AGBL3: variants seen among roughly 807,000 people sequenced by gnomAD.
AGBL3 encodes the protein AGBL carboxypeptidase 3, also known as cytosolic carboxypeptidase 3.
A neutral mutation model predicts 94.5 loss-of-function variants in AGBL3; 68 were observed. That is an observed-to-expected ratio of 0.72 (90% confidence interval 0.59 to 0.88). The LOEUF is 0.88. AGBL3 is among the 40% of genes least tolerant of loss of function. The pLI is 0.00. For missense variants in AGBL3, 934 were observed against 1,103.8 expected, an observed-to-expected ratio of 0.85 and a Z score of 2.18; for synonymous variants, 354 against 370.7, an observed-to-expected ratio of 0.95 and a Z score of 0.52.
intron 8 of AGBL3, 89 bp from the exon 9 acceptor site, chr7:135,043,936 C>T: frequency 6.9e-7 from 1 of 1,443,104 alleles, no homozygotes; most frequent in Non-Finnish European, 9.2e-7. Flanking sequence ...ATAGACTTTG[C>T]ATAACCACTT....
intron 8 of AGBL3, 148 bp downstream of exon 8, chr7:135,037,728 T>A: frequency 1.7e-6 from 1 of 604,236 alleles, no homozygotes; most frequent in Non-Finnish European, 2.5e-6. Flanking sequence ...AGAAAGCAAC[T>A]ATATAGAACT....
intron 11 of AGBL3, among the ~76,000 whole-genome samples, chr7:135,055,697 C>T (rs183437228): frequency 1.2e-3 from 182 of 152,192 alleles, no homozygotes; most frequent in African/African-American, 4.3e-3. Flanking sequence ...CACCTGTGTT[C>T]ATAAGACATA....
In AGBL3 at chr7:135,087,735, T is replaced by C. The variant is rs577827351; in HGVS notation, c.2110+5945T>C. 4.0e-4 allele frequency among the ~76,000 whole-genome samples: 61 copies of C among 152,128 alleles called. 1 individual carries two copies. In the South Asian group the frequency reaches 0.012, roughly 30 times the overall value. On this transcript the variant is annotated intron_variant, in intron 15 of 16. Coordinates refer to ENST00000436302, the MANE Select transcript of AGBL3 (RefSeq NM_178563.4). Reference sequence around the variant, plus strand: ...TTAAATTTCTTGAAAATTATTTCGTTCCCTAACGTAAGTCTTAGAGGATAT... The same window carrying C: ...TTAAATTTCTTGAAAATTATTTCGTCCCCTAACGTAAGTCTTAGAGGATAT...
intron 15 of AGBL3, chr7:135,092,760 T>C (rs542213591): frequency 3.3e-5 from 5 of 151,914 alleles, no homozygotes; most frequent in Admixed American, 6.6e-5. Flanking sequence ...TCTATATCTA[T>C]TAAGAATTAG....
intron 15 of AGBL3, among the ~76,000 whole-genome samples, chr7:135,083,478 C>A (rs1413915500): frequency 2.0e-5 from 3 of 151,806 alleles, no homozygotes; most frequent in Non-Finnish European, 4.4e-5. Context: ...AAAAAACTTT[C>A]TCTCTCTCTC....
At chr7:135,017,928 T>C (rs1204766019) in intron 5 of AGBL3, among the ~76,000 whole-genome samples, 45 of 152,228 alleles carry the variant, frequency 3.0e-4, no homozygotes, top group Non-Finnish European at 1.5e-5. Context: ...AATATTTACA[T>C]GGTGAACCTG....
At chr7:135,006,636 A>G (rs959645109) in intron 4 of AGBL3, among the ~76,000 whole-genome samples, 1 of 151,960 alleles carries the variant, frequency 6.6e-6, no homozygotes, top group Non-Finnish European at 1.5e-5. Context: ...TATCTGCCAC[A>G]TAAGACAAAA....
intron 15 of AGBL3, among the ~76,000 whole-genome samples, chr7:135,094,982 T>C (rs1351293647): frequency 6.6e-6 from 1 of 152,164 alleles, no homozygotes; most frequent in Non-Finnish European, 1.5e-5. Context: ...AGGAACTTGG[T>C]TTTCATAGTT....
intron 4 of AGBL3, among the ~76,000 whole-genome samples, chr7:135,007,718 A>G (rs1000174164): frequency 5.3e-5 from 8 of 152,142 alleles, no homozygotes; most frequent in Non-Finnish European, 1.2e-4. Flanking sequence ...GAAGGAAGTA[A>G]AACTATACTT....
chr7:135,116,351 A>C (rs749340372), intron 16 of AGBL3, among the ~76,000 whole-genome samples: 22 of 152,144 alleles, frequency 1.4e-4, no homozygotes, highest in Non-Finnish European at 3.2e-4. Context: ...ATTTCTCTTT[A>C]TAAGTGAAAA....
intron 8 of AGBL3, among the ~76,000 whole-genome samples, chr7:135,043,078 C>A (rs142943983): frequency 1.3e-5 from 2 of 152,088 alleles, no homozygotes; most frequent in East Asian, 1.9e-4. Flanking sequence ...TATTTTTGAA[C>A]ATCTCCAACA....
chr7:134,992,998 G>A (rs56189618), intron 3 of AGBL3, among the ~76,000 whole-genome samples: 2,097 of 152,312 alleles, frequency 0.014, 31 homozygotes, highest in Non-Finnish European at 0.02. Flanking sequence ...TGCACAGCCT[G>A]CTTGGCGTGG....
intron 12 of AGBL3, among the ~76,000 whole-genome samples, chr7:135,074,810 A>G (rs1820295277): frequency 6.6e-6 from 1 of 152,190 alleles, no homozygotes; most frequent in Non-Finnish European, 1.5e-5. Context: ...AATAACAGTA[A>G]AAAGAACAAG....
rs1360207899 is a variant in AGBL3 at position 135,034,206 on chromosome 7, C to T, written c.615C>T (p.Thr205=). ...CTGACCTCTTCACAAATAAACACAC[C>T]CAGTGGTACTATTTCCAAGTCACTA... ...VRPDLFTNKH[T]QWYYFQVTNM... is the part of the protein sequence containing the mutation. The change falls in exon 7 of 17, where the codon ACC becomes ACT. Residue 205 remains threonine, a synonymous_variant. Transcript: ENST00000436302. 6.4e-7 allele frequency: 1 copy of T among 1,551,522 alleles called. No individual in the cohort carries two copies. The highest frequency in any genetic ancestry group is 2.0e-5 in the Admixed American group (1 of 50,976).
chr7:135,057,871 A>G (rs1168033847), intron 11 of AGBL3, among the ~76,000 whole-genome samples: 1 of 152,208 alleles, frequency 6.6e-6, no homozygotes, highest in Non-Finnish European at 1.5e-5. Flanking sequence ...TAAGTCTGAA[A>G]AGGCCACATA....
chr7:135,113,621 A>G (rs1007729874), intron 15 of AGBL3, among the ~76,000 whole-genome samples: 1 of 152,194 alleles, frequency 6.6e-6, no homozygotes, highest in African/African-American at 2.4e-5. Context: ...TTCAGGCTTT[A>G]CTCAGGGTTC....
rs190989856 is a variant in AGBL3, at chr7:135,022,421, T to C, written c.418+5262T>C. On this transcript the variant is annotated intron_variant, in intron 5 of 16. Transcript: ENST00000436302. ...TTTGTATTTCTCTAATGACCAGTGA[T>C]GATGAGCTTTTCTTCATATGTTTGT... 6.8e-4 allele frequency among the ~76,000 whole-genome samples: 104 copies of C among 152,350 alleles called. 3 individuals are homozygous for C. Among genetic ancestry groups the C allele is most frequent in the Admixed American group, 6.7e-3 (103 of 15,306 alleles).
intron 15 of AGBL3, among the ~76,000 whole-genome samples, chr7:135,084,689 G>A (rs1330071909): frequency 2.0e-5 from 3 of 151,924 alleles, no homozygotes; most frequent in Non-Finnish European, 2.9e-5. Context: ...CTTTTTTATG[G>A]TTAAATACTA....
chr7:135,029,153 T>C (rs1265115154), intron 5 of AGBL3, among the ~76,000 whole-genome samples: 4 of 152,188 alleles, frequency 2.6e-5, no homozygotes, highest in Non-Finnish European at 4.4e-5. Flanking sequence ...TAAATGAGCA[T>C]TGGCTTCCAC....
Sources: allele counts gnomAD v4.1 joint callset (sites outside exome capture counted in the v4.1 genomes callset), GRCh38; gene constraint gnomAD v4.1.1; transcripts MANE v1.5; gene names NCBI Gene and HGNC (gene_info 2026-07-23, HGNC 2026-07-21).